Variants in DLG2 observed in about 807,000 individuals in gnomAD.
DLG2 encodes the protein disks large homolog 2.
Under a neutral mutation model 132.5 loss-of-function variants are expected in DLG2, and 45 were observed. The ratio of observed to expected loss-of-function variants is 0.34; its 90% CI spans 0.27 to 0.44. The LOEUF is 0.44. Among genes scored for constraint, DLG2 ranks in the 20% least tolerant of loss-of-function variants. The pLI is 1.00. For missense variants in DLG2, 1,045 were observed against 1,196.9 expected (o/e 0.87, Z 1.87); for synonymous variants, 424 against 419.6 (o/e 1.01, Z -0.13).
At chr11:84,714,543 TTCTCTTTC>T (rs2060826969) in intron 6 of DLG2, among the ~76,000 whole-genome samples, 1 of 80,552 alleles carries the variant, frequency 1.2e-5, no homozygotes, top group African/African-American at 8.4e-5. Flanking sequence ...CTCTTTCTCT[TTCTCTTTC>T]TCTCTCTTTC....
At chr11:84,886,225 C>A (rs1174994996) in intron 6 of DLG2, among the ~76,000 whole-genome samples, 1 of 152,134 alleles carries the variant, frequency 6.6e-6, no homozygotes. Context: ...TCTCTGTCAA[C>A]TGCCTCATCC....
chr11:85,170,786 T>C (rs1276037952), intron 4 of DLG2, among the ~76,000 whole-genome samples: 1 of 151,258 alleles, frequency 6.6e-6, no homozygotes, highest in Non-Finnish European at 1.5e-5. Context: ...GGAGAGGAGG[T>C]GACTGACAGG....
chr11:84,569,891 A>T (rs2099473871), intron 6 of DLG2, among the ~76,000 whole-genome samples: 2 of 152,174 alleles, frequency 1.3e-5, no homozygotes, highest in South Asian at 2.1e-4. Context: ...GAGATAAATG[A>T]ACATCCACTT....
intron 7 of DLG2, among the ~76,000 whole-genome samples, chr11:84,367,008 T>A (rs980270063): frequency 9.2e-5 from 14 of 152,118 alleles, no homozygotes; most frequent in African/African-American, 3.4e-4. Flanking sequence ...CAACAGAATA[T>A]ACATTTTTTT....
Position 83,613,794 on chromosome 11 carries a change from A to G in DLG2, c.1940+19417T>C, listed in dbSNP as rs547240619. 3.0e-3 allele frequency among the ~76,000 whole-genome samples: 462 copies of G among 152,332 alleles called. 7 individuals carry two copies. Among genetic ancestry groups the G allele is most frequent in the Admixed American group, 4.8e-3 (74 of 15,308 alleles). Reference sequence around the variant, plus strand: ...AAGAAAAGAAACCAAAAAAAGAAAGAAAAGATAAAATAGTGGTTCTCAGAT... The same window carrying G: ...AAGAAAAGAAACCAAAAAAAGAAAGGAAAGATAAAATAGTGGTTCTCAGAT... On this transcript the variant is annotated intron_variant, in intron 19 of 27. Coordinates refer to ENST00000376104, the MANE Select transcript of DLG2 (RefSeq NM_001142699.3).
intron 3 of DLG2, among the ~76,000 whole-genome samples, chr11:85,455,337 T>G (rs1427359722): frequency 6.6e-6 from 1 of 152,178 alleles, no homozygotes; most frequent in Non-Finnish European, 1.5e-5. Flanking sequence ...ATGTTGTTTG[T>G]ATATAGGAAT....
intron 18 of DLG2, among the ~76,000 whole-genome samples, chr11:83,736,613 C>T (rs2091928429): frequency 6.6e-6 from 1 of 152,146 alleles, no homozygotes; most frequent in East Asian, 1.9e-4. Flanking sequence ...CCAAAACATC[C>T]TAGCAACAGA....
chr11:84,952,117 C>T (rs553661149), intron 6 of DLG2, among the ~76,000 whole-genome samples: 3 of 152,230 alleles, frequency 2.0e-5, no homozygotes, highest in East Asian at 3.9e-4. Flanking sequence ...GGTACAAATC[C>T]AATTATGCTT....
intron 7 of DLG2, among the ~76,000 whole-genome samples, chr11:84,408,900 C>T (rs1339556119): frequency 6.6e-6 from 1 of 152,154 alleles, no homozygotes; most frequent in Non-Finnish European, 1.5e-5. Flanking sequence ...GGCCCTTGCT[C>T]ATCTTGCATC....
intron 6 of DLG2, among the ~76,000 whole-genome samples, chr11:84,745,440 G>A (rs773616152): frequency 1.3e-5 from 2 of 152,130 alleles, no homozygotes; most frequent in African/African-American, 4.8e-5. Context: ...TGCCATGATT[G>A]TAAGTTTTCT....
At chr11:84,473,307 C>T (rs1051900088) in intron 7 of DLG2, among the ~76,000 whole-genome samples, 3 of 151,954 alleles carry the variant, frequency 2.0e-5, no homozygotes, top group Non-Finnish European at 4.4e-5. Flanking sequence ...GCCTAGCTCT[C>T]ACACAAATTG....
rs569458140 is a variant in DLG2 at position 85,281,296 on chromosome 11, A to G, written c.186+3924T>C. ...TTTAAACTTACATGCTATTAAAATC[A>G]CATCAAAGTTTTGCTTCAGAAGCCC... On this transcript the variant is annotated intron_variant, in intron 4 of 27. Transcript: ENST00000376104. 7.4e-4 allele frequency among the ~76,000 whole-genome samples: 113 copies of G among 152,124 alleles called. No individual in the cohort carries two copies. The South Asian group carries it at 0.01, about 14-fold the overall frequency.
intron 7 of DLG2, among the ~76,000 whole-genome samples, chr11:84,453,820 G>C (rs757486073): frequency 1.5e-4 from 23 of 151,602 alleles, no homozygotes; most frequent in Non-Finnish European, 3.2e-4. Context: ...ACCACAAGTA[G>C]GGGCAGAATG....
At chr11:84,983,785 G>C (rs1455118277) in intron 6 of DLG2, among the ~76,000 whole-genome samples, 1 of 152,048 alleles carries the variant, frequency 6.6e-6, no homozygotes, top group Non-Finnish European at 1.5e-5. Context: ...CAGTGAAATA[G>C]ACAGCATAAA....
intron 4 of DLG2, among the ~76,000 whole-genome samples, chr11:85,190,724 C>G (rs749033073): frequency 1.7e-4 from 26 of 151,468 alleles, no homozygotes; most frequent in Middle Eastern, 3.4e-3. Context: ...TATGAACACC[C>G]CTATGCACAT....
At chr11:84,723,739 G>C (rs993072845) in intron 6 of DLG2, among the ~76,000 whole-genome samples, 19 of 152,100 alleles carry the variant, frequency 1.2e-4, no homozygotes, top group African/African-American at 4.1e-4. Flanking sequence ...AATGCAAGGA[G>C]ATGACGCATT....
In DLG2 at chr11:84,634,306, T is replaced by A. The variant is rs1471792757; in HGVS notation, c.358-99575A>T. Among the ~76,000 whole-genome samples, 4 of 152,312 alleles carry A rather than the reference T, an allele frequency of 2.6e-5. 1 individual carries two copies. Among genetic ancestry groups the A allele is most frequent in the Middle Eastern group, 6.8e-3 (2 of 294 alleles). On this transcript the variant is annotated intron_variant, in intron 6 of 27. Transcript: ENST00000376104. ...GAGTTGGTAGAGCCCCTGACACACATAAAGTATTCAAAAATACATAACAAA... is the reference window on the plus strand; with the variant it reads ...GAGTTGGTAGAGCCCCTGACACACAAAAAGTATTCAAAAATACATAACAAA...
At chr11:84,973,275 A>G (rs2054367927) in intron 6 of DLG2, among the ~76,000 whole-genome samples, 1 of 152,106 alleles carries the variant, frequency 6.6e-6, no homozygotes, top group African/African-American at 2.4e-5. Context: ...TCAGTTTTAA[A>G]TTTTTAATCA....
At chr11:84,784,320 C>CT (rs2072421763) in intron 6 of DLG2, among the ~76,000 whole-genome samples, 1 of 93,002 alleles carries the variant, frequency 1.1e-5, no homozygotes, top group Non-Finnish European at 2.1e-5. Context: ...AACTCCACCT[C>CT]AAAATAAATA....
Sources: allele counts gnomAD v4.1 joint callset (sites outside exome capture counted in the v4.1 genomes callset), GRCh38; gene constraint gnomAD v4.1.1; transcripts MANE v1.5; gene names NCBI Gene and HGNC (gene_info 2026-07-23, HGNC 2026-07-21).